The following CCNY variants were observed in gnomAD, a reference collection of about 807,000 sequenced individuals.
The protein encoded by CCNY is cyclin-Y.
CCNY carries 19 observed loss-of-function variants against 42.8 expected under a neutral mutation model. That is an observed-to-expected ratio of 0.44 (90% CI 0.31 to 0.65). The LOEUF (loss-of-function observed/expected upper bound fraction) is 0.65. Ranked by LOEUF, CCNY falls within the 30% of genes least tolerant of loss-of-function variation. CCNY has a pLI of 0.07. For synonymous variants in CCNY, 165 were observed against 162.7 expected, an observed-to-expected ratio of 1.01 and a Z score of -0.11; for missense variants, 370 against 437.3, an observed-to-expected ratio of 0.85 and a Z score of 1.37.
intron 3 of CCNY, among the ~76,000 whole-genome samples, chr10:35,283,810 G>A (rs771566975): frequency 1.6e-4 from 24 of 152,172 alleles, no homozygotes; most frequent in Non-Finnish European, 2.9e-4. Context: ...TGGGCCGGGC[G>A]AGGTGTCTCA....
chr10:35,441,186 G>A lies in CCNY; in HGVS notation c.155-42218G>A, dbSNP rs191866137. Among the ~76,000 whole-genome samples, 412 of 152,294 alleles carry A rather than the reference G, an allele frequency of 2.7e-3. 1 individual carries two copies. Among genetic ancestry groups the A allele is most frequent in the African/African-American group, 7.7e-3 (321 of 41,560 alleles). On this transcript the variant is annotated intron_variant, in intron 1 of 9. Coordinates refer to ENST00000374704, the MANE Select transcript of CCNY (RefSeq NM_145012.6). ...GGTGTTTTGGCCTCTTCTGAATACCGCCTTGTTTTACCATGTTGCAGAATG... is the reference window on the plus strand; with the variant it reads ...GGTGTTTTGGCCTCTTCTGAATACCACCTTGTTTTACCATGTTGCAGAATG...
chr10:35,293,816 A>G (rs1835442192), intron 3 of CCNY, among the ~76,000 whole-genome samples: 1 of 148,412 alleles, frequency 6.7e-6, no homozygotes, highest in African/African-American at 2.5e-5. Flanking sequence ...TGAGACACAG[A>G]GTCTCACTCT....
chr10:35,551,816 G>A (rs1194321809), intron 7 of CCNY, among the ~76,000 whole-genome samples: 7 of 152,144 alleles, frequency 4.6e-5, no homozygotes, highest in East Asian at 3.9e-4. Context: ...AATCCTAATC[G>A]CAGTGATATA....
intron 7 of CCNY, among the ~76,000 whole-genome samples, chr10:35,549,102 C>A (rs951931899): frequency 1.5e-5 from 2 of 135,120 alleles, no homozygotes; most frequent in African/African-American, 6.2e-5. Flanking sequence ...CCACCCACCC[C>A]ACCCCCCCCC....
intron 1 of CCNY, among the ~76,000 whole-genome samples, chr10:35,382,230 A>T (rs1837202075): frequency 6.6e-6 from 1 of 152,212 alleles, no homozygotes; most frequent in Admixed American, 6.5e-5. Context: ...GTACTGAAGG[A>T]TTACTCTGTG....
intron 7 of CCNY, among the ~76,000 whole-genome samples, chr10:35,547,400 C>T (rs1010456757): frequency 3.3e-5 from 5 of 152,222 alleles, no homozygotes; most frequent in African/African-American, 1.2e-4. Flanking sequence ...CCCACAAAGG[C>T]CTTTCCAGTG....
intron 2 of CCNY, among the ~76,000 whole-genome samples, chr10:35,248,363 G>T (rs1197215511): frequency 6.6e-6 from 1 of 152,160 alleles, no homozygotes; most frequent in African/African-American, 2.4e-5. Context: ...CAGACTAGGG[G>T]CCGGGCGCGG....
chr10:35,405,765 G>A (rs1837745096), intron 1 of CCNY, among the ~76,000 whole-genome samples: 1 of 152,196 alleles, frequency 6.6e-6, no homozygotes, highest in Non-Finnish European at 1.5e-5. Flanking sequence ...GAGGCTATTG[G>A]GCAGTGTCAG....
At chr10:35,255,020 G>C (rs757094305) in intron 3 of CCNY, among the ~76,000 whole-genome samples, 39 of 152,130 alleles carry the variant, frequency 2.6e-4, no homozygotes, top group Non-Finnish European at 4.9e-4. Context: ...GTCTACCCTG[G>C]GTAACTTTCC....
chr10:35,540,018 G>A (rs368022356), intron 7 of CCNY, among the ~76,000 whole-genome samples: 3 of 152,180 alleles, frequency 2.0e-5, no homozygotes, highest in African/African-American at 7.2e-5. Flanking sequence ...TGCAAATAGA[G>A]ATAGTTTTAC....
rs182421498 is a variant in CCNY, at chr10:35,568,086, G to A, written c.910-968G>A. Among the ~76,000 whole-genome samples the A allele has an allele frequency of 7.4e-3, 1,125 of 152,306 alleles. 13 individuals carry two copies. The highest frequency in any genetic ancestry group is 0.026 in the African/African-American group (1,077 of 41,564). On this transcript the variant is annotated intron_variant, in intron 9 of 9. Coordinates refer to ENST00000374704, the MANE Select transcript of CCNY (RefSeq NM_145012.6). ...GCTTCAGTGCTAATGAGACAAGCCGGAGCTCCTGGCAGCTACACAGCTCTG... is the reference window on the plus strand; with the variant it reads ...GCTTCAGTGCTAATGAGACAAGCCGAAGCTCCTGGCAGCTACACAGCTCTG...
chr10:35,466,372 G>C (rs1352182129), intron 1 of CCNY, among the ~76,000 whole-genome samples: 1 of 152,212 alleles, frequency 6.6e-6, no homozygotes, highest in African/African-American at 2.4e-5. Flanking sequence ...AGAAGATTGT[G>C]TGGTGGCAAA....
In CCNY at chr10:35,569,274, T is replaced by G. The variant is rs1416799282; in HGVS notation, c.*104T>G. 5.4e-6 allele frequency: 4 copies of G among 745,430 alleles called. No homozygotes were observed. The highest frequency in any genetic ancestry group is 9.3e-6 in the Non-Finnish European group (4 of 430,346). The allele number at this position is 745,430 out of a possible 1,614,324, so 46.2% of individuals were successfully genotyped here. On this transcript the variant is annotated 3_prime_UTR_variant, in exon 10 of 10. Transcript: ENST00000374704. ...GTTTTTGTTTTTTCTTTCCTTTTCT[T>G]TTTTTACGCATAGCTCCGTCAAGCT...
At chr10:35,550,938 C>G (rs1047285596) in intron 7 of CCNY, among the ~76,000 whole-genome samples, 1 of 152,128 alleles carries the variant, frequency 6.6e-6, no homozygotes, top group Admixed American at 6.6e-5. Flanking sequence ...AAACTGGCAC[C>G]CCAGTTTGAG....
chr10:35,427,953 C>G (rs2135273706), intron 1 of CCNY, among the ~76,000 whole-genome samples: 1 of 152,264 alleles, frequency 6.6e-6, no homozygotes, highest in Middle Eastern at 3.4e-3. Flanking sequence ...AACTCCTCCC[C>G]TTCCTTCTGT....
At chr10:35,270,910 A>G (rs2135043156) in intron 3 of CCNY, among the ~76,000 whole-genome samples, 1 of 151,812 alleles carries the variant, frequency 6.6e-6, no homozygotes, top group African/African-American at 2.4e-5. Flanking sequence ...TATTTTTAGT[A>G]GAAACGGGGC....
At chr10:35,253,047 A>T (rs2095713035) in intron 3 of CCNY, among the ~76,000 whole-genome samples, 1 of 152,186 alleles carries the variant, frequency 6.6e-6, no homozygotes, top group Non-Finnish European at 1.5e-5. Context: ...TTTATGACAA[A>T]AATTCACGGG....
At chr10:35,466,868 G>C (rs1350559726) in intron 1 of CCNY, among the ~76,000 whole-genome samples, 1 of 152,208 alleles carries the variant, frequency 6.6e-6, no homozygotes, top group African/African-American at 2.4e-5. Flanking sequence ...GAACTCATGG[G>C]GTCAAGCGAT....
At chr10:35,419,533 C>CTTTTTTTTTTTTT (rs34429228) in intron 1 of CCNY, among the ~76,000 whole-genome samples, 15 of 129,680 alleles carry the variant, frequency 1.2e-4, no homozygotes, top group African/African-American at 3.2e-4. Flanking sequence ...TAGACCGTTC[C>CTTTTTTTTTTTTT]TTTTTTTTTT....
Sources: gnomAD v4.1 joint callset for allele counts (sites outside exome capture counted in the v4.1 genomes callset) on GRCh38, gnomAD v4.1.1 for gene constraint, MANE v1.5 for transcripts, NCBI Gene and HGNC (gene_info 2026-07-23, HGNC 2026-07-21) for gene names.